PCDHA13: variants seen among roughly 807,000 people sequenced by gnomAD.
The protein encoded by PCDHA13 is protocadherin alpha-13.
Under a neutral mutation model 64.8 loss-of-function variants are expected in PCDHA13, and 54 were observed. The observed-to-expected ratio is 0.83, with a 90% CI of 0.67 to 1.04. PCDHA13 has a LOEUF of 1.04. Among genes scored for constraint, PCDHA13 ranks in the 50% least tolerant of loss-of-function variants. The pLI, the probability that PCDHA13 is intolerant of heterozygous loss-of-function variation, is 0.00. For synonymous variants in PCDHA13, 587 were observed against 564.4 expected, an observed-to-expected ratio of 1.04 and a Z score of -0.57; for missense variants, 1,248 against 1,254.3, an observed-to-expected ratio of 0.99 and a Z score of 0.08.
chr5:140,982,963 A>G (rs2097017646), intron 3 of PCDHA13, among the ~76,000 whole-genome samples: 1 of 151,972 alleles, frequency 6.6e-6, no homozygotes, highest in South Asian at 2.1e-4. Context: ...AAACCCACCC[A>G]AAGTAGTAAG....
intron 1 of PCDHA13, among the ~76,000 whole-genome samples, chr5:140,975,318 C>T (rs1554236746): frequency 6.6e-6 from 1 of 152,198 alleles, no homozygotes; most frequent in Admixed American, 6.5e-5. Flanking sequence ...TTATGTCAGT[C>T]CCATCCAGAT....
chr5:140,959,795 T>G (rs2095511248), intron 1 of PCDHA13, among the ~76,000 whole-genome samples: 1 of 152,180 alleles, frequency 6.6e-6, no homozygotes, highest in Non-Finnish European at 1.5e-5. Flanking sequence ...CATGGCTAAT[T>G]TAGAGGATTT....
intron 1 of PCDHA13, among the ~76,000 whole-genome samples, chr5:140,949,294 T>C (rs1554218899): frequency 1.3e-5 from 2 of 151,840 alleles, no homozygotes; most frequent in African/African-American, 4.8e-5. Flanking sequence ...TATTCTGTAA[T>C]TGTTGGGTGT....
At chr5:140,886,436 T>A (rs1434592910) in intron 1 of PCDHA13, among the ~76,000 whole-genome samples, 2 of 152,158 alleles carry the variant, frequency 1.3e-5, no homozygotes, top group African/African-American at 4.8e-5. Context: ...TATTCATTTG[T>A]TTGTACTAAT....
At chr5:141,007,970 T>C (rs986378123) in intron 3 of PCDHA13, among the ~76,000 whole-genome samples, 3 of 152,248 alleles carry the variant, frequency 2.0e-5, no homozygotes, top group Admixed American at 6.5e-5. Flanking sequence ...TCTGGGTGTC[T>C]GTCATGTATA....
intron 1 of PCDHA13, among the ~76,000 whole-genome samples, chr5:140,887,337 C>T (rs2153419784): frequency 6.6e-6 from 1 of 152,268 alleles, no homozygotes; most frequent in East Asian, 1.9e-4. Flanking sequence ...ACCTCGTGAT[C>T]CACCTGGCTC....
intron 2 of PCDHA13, among the ~76,000 whole-genome samples, chr5:140,981,011 T>C (rs1363062809): frequency 6.6e-6 from 1 of 152,132 alleles, no homozygotes; most frequent in African/African-American, 2.4e-5. Flanking sequence ...CCAGGAACAC[T>C]TGAAGGCTGT....
At chr5:140,929,663 G>A (rs1284467278) in intron 1 of PCDHA13, 1 of 336,002 alleles carries the variant, frequency 3.0e-6, no homozygotes, top group African/African-American at 2.1e-5. Context: ...TATTTAAAGT[G>A]AAGAATGAAA....
chr5:140,891,904 T>A (rs1429453216), intron 1 of PCDHA13, among the ~76,000 whole-genome samples: 3 of 152,212 alleles, frequency 2.0e-5, no homozygotes, highest in Non-Finnish European at 4.4e-5. Flanking sequence ...AAGAAGATCT[T>A]CACCAGATGC....
intron 3 of PCDHA13, 29 bp from the exon 4 acceptor site, chr5:141,009,598 T>C: frequency 6.2e-7 from 1 of 1,606,306 alleles, no homozygotes; most frequent in Non-Finnish European, 8.5e-7. Flanking sequence ...GTTGACCCTG[T>C]TAATGATTTG....
chr5:140,997,686 G>T (rs1005092816), intron 3 of PCDHA13, among the ~76,000 whole-genome samples: 1 of 151,980 alleles, frequency 6.6e-6, no homozygotes, highest in Non-Finnish European at 1.5e-5. Flanking sequence ...GTGTGTGTGT[G>T]TGTGTGTGTG....
At chr5:140,912,220 C>T (rs1360868463) in intron 1 of PCDHA13, among the ~76,000 whole-genome samples, 1 of 151,800 alleles carries the variant, frequency 6.6e-6, no homozygotes, top group African/African-American at 2.4e-5. Flanking sequence ...ATCTGCCTTT[C>T]CCAGTCCACT....
Position 141,009,928 on chromosome 5 carries a change from T to C in PCDHA13, c.2844T>C (p.Ser948=), listed in dbSNP as rs373891102. The change falls in exon 4 of 4, where the codon AGT becomes AGC. Residue 948 remains serine (S), a synonymous_variant. Transcript: ENST00000289272. The stretch of plus-strand genomic sequence containing the variant: ...AAGGGAACAGCACGACTGACAACAG[T>C]GACCAGTGAGGTCCTCAAATGGAAA... ...KEKGNSTTDN[S]DQ is the part of the protein sequence containing the mutation. 3 of 1,607,808 alleles carry C rather than the reference T, an allele frequency of 1.9e-6. No homozygotes were observed. The highest frequency in any genetic ancestry group is 2.5e-6 in the Non-Finnish European group (3 of 1,178,138).
rs377044316 is a variant in PCDHA13 at position 140,883,116 on chromosome 5, G to A, written c.848G>A (p.Arg283Lys). 14 of 1,613,818 alleles carry A rather than the reference G, an allele frequency of 8.7e-6. No homozygotes were observed. The African/African-American group carries it at 1.9e-4, about 22-fold the overall frequency. Residue 283 changes from arginine to lysine, a missense_variant, in exon 1 of 4, where the codon AGG (arginine) becomes AAG (lysine). Coordinates refer to ENST00000289272, the MANE Select transcript of PCDHA13 (RefSeq NM_018904.3). ...TNGDIVYSFR[R>K]PVWPAVVYAF... ...GGAGATATAGTTTACTCATTTAGAAGGCCTGTATGGCCTGCAGTGGTATAT... is the reference window on the plus strand; with the variant it reads ...GGAGATATAGTTTACTCATTTAGAAAGCCTGTATGGCCTGCAGTGGTATAT...
At chr5:140,945,304 C>T (rs993719774) in intron 1 of PCDHA13, among the ~76,000 whole-genome samples, 3 of 151,880 alleles carry the variant, frequency 2.0e-5, no homozygotes, top group African/African-American at 7.3e-5. Flanking sequence ...TTGAAGAAGA[C>T]ACAAATAAAT....
chr5:140,883,380 T>C lies in PCDHA13; in HGVS notation c.1112T>C (p.Leu371Pro), dbSNP rs1554177974. The C allele has an allele frequency of 1.2e-6, 2 of 1,614,176 alleles. No individual in the cohort carries two copies. The highest frequency in any genetic ancestry group is 3.3e-5 in the Admixed American group (2 of 60,018). The change falls in exon 1 of 4, where the codon CTA (leucine) becomes CCA (proline). Residue 371 changes from leucine (L) to proline (P), a missense_variant. Transcript: ENST00000289272. ...ACTCAGCCTAGCGCCATTATTGCCC[T>C]AATCAGTGTGTCCGATCGTGACTCT... Reference protein sequence around the residue: ...EDTQPSAIIALISVSDRDSGS... With the variant: ...EDTQPSAIIAPISVSDRDSGS...
chr5:140,901,839 A>T (rs578262204), intron 1 of PCDHA13, among the ~76,000 whole-genome samples: 1 of 152,108 alleles, frequency 6.6e-6, no homozygotes, highest in Non-Finnish European at 1.5e-5. Flanking sequence ...TAAACATGCA[A>T]TATCTTTCCA....
rs782379229 is a variant in PCDHA13, at chr5:140,927,578, A to G, written c.2394+42916A>G. ...ATCATTGTGGTGGACACAAATGACAACGCGCCTGTATTTGAGCGCTCCGTA... is the reference window on the plus strand; with the variant it reads ...ATCATTGTGGTGGACACAAATGACAGCGCGCCTGTATTTGAGCGCTCCGTA... On this transcript the variant is annotated intron_variant, in intron 1 of 3. Transcript: ENST00000289272. 1.5e-5 allele frequency: 24 copies of G among 1,614,024 alleles called. No homozygotes were observed. The highest frequency in any genetic ancestry group is 2.0e-5 in the Non-Finnish European group (24 of 1,180,026).
At chr5:140,955,929 C>T (rs567378851) in intron 1 of PCDHA13, among the ~76,000 whole-genome samples, 1 of 152,252 alleles carries the variant, frequency 6.6e-6, no homozygotes, top group East Asian at 1.9e-4. Flanking sequence ...GGAGTTCATT[C>T]ATAATATGGC....
Sources: gnomAD v4.1 joint callset for allele counts (sites outside exome capture counted in the v4.1 genomes callset) on GRCh38, gnomAD v4.1.1 for gene constraint, MANE v1.5 for transcripts, NCBI Gene and HGNC (gene_info 2026-07-23, HGNC 2026-07-21) for gene names.